Variants in DECR1 observed in about 807,000 individuals in gnomAD.
DECR1 encodes 2,4-dienoyl-CoA reductase [(3E)-enoyl-CoA-producing], mitochondrial.
In DECR1, 44 loss-of-function variants were observed where a neutral mutation model predicts 38.8. That is an observed-to-expected ratio of 1.13 (90% CI 0.89 to 1.46). DECR1 has a LOEUF of 1.46. Ranked by LOEUF, DECR1 falls within the 40% of genes most tolerant of loss-of-function variation. The pLI is 0.00. For missense variants in DECR1, 428 were observed against 405.5 expected (o/e 1.06, Z -0.48); for synonymous variants, 148 against 135.2 (o/e 1.09, Z -0.66).
At chr8:90,048,696 A>G (rs867373624) in intron 8 of DECR1, among the ~76,000 whole-genome samples, 8 of 152,248 alleles carry the variant, frequency 5.3e-5, no homozygotes, top group Admixed American at 6.5e-5. Flanking sequence ...TGAGGCCAGC[A>G]TCATCCTGAT....
chr8:90,026,714 C>G (rs765125249), intron 5 of DECR1, among the ~76,000 whole-genome samples: 12 of 152,030 alleles, frequency 7.9e-5, no homozygotes, highest in Non-Finnish European at 1.8e-4. Context: ...TTTTGTGTTT[C>G]TATCTCCTTC....
chr8:90,032,981 G>A (rs926420635), intron 5 of DECR1, among the ~76,000 whole-genome samples: 7 of 152,146 alleles, frequency 4.6e-5, no homozygotes, highest in Non-Finnish European at 8.8e-5. Flanking sequence ...ACATTTGCTG[G>A]ATACGCCCTA....
chr8:90,006,027 C>T (rs1812729672), intron 1 of DECR1: 1 of 602,670 alleles, frequency 1.7e-6, no homozygotes, highest in Non-Finnish European at 3.0e-6. Context: ...ACTCACTTGC[C>T]ACTGCCAGGA....
intron 8 of DECR1, among the ~76,000 whole-genome samples, 192 bp from the exon 9 acceptor site, chr8:90,051,484 TG>T (rs1265938325): frequency 1.3e-5 from 2 of 152,190 alleles, no homozygotes; most frequent in Non-Finnish European, 1.5e-5. Context: ...TTTGAAATTG[TG>T]GAGATGTTAG....
At chr8:90,039,401 C>T (rs1813694159) in intron 6 of DECR1, among the ~76,000 whole-genome samples, 1 of 149,966 alleles carries the variant, frequency 6.7e-6, no homozygotes, top group South Asian at 2.1e-4. Context: ...AGAATGTGTT[C>T]CAAGTGAAGG....
At chr8:90,018,778 TTG>T in intron 2 of DECR1, 129 bp from the exon 3 acceptor site, 1 of 727,770 alleles carries the variant, frequency 1.4e-6, no homozygotes, top group East Asian at 2.7e-5. Flanking sequence ...AAAATTCACA[TTG>T]ATTTTTGTAT....
chr8:90,006,872 C>A (rs1812755208), intron 1 of DECR1, among the ~76,000 whole-genome samples: 1 of 152,168 alleles, frequency 6.6e-6, no homozygotes, highest in African/African-American at 2.4e-5. Context: ...AAGATGAAGC[C>A]CAGATTTCTG....
At chr8:90,007,097 T>C (rs1812760988) in intron 1 of DECR1, among the ~76,000 whole-genome samples, 1 of 152,066 alleles carries the variant, frequency 6.6e-6, no homozygotes, top group Non-Finnish European at 1.5e-5. Context: ...CTCTCACAGC[T>C]GGGTTTCAAT....
intron 5 of DECR1, among the ~76,000 whole-genome samples, chr8:90,031,969 C>T (rs1029114946): frequency 3.3e-5 from 5 of 152,114 alleles, no homozygotes; most frequent in African/African-American, 9.7e-5. Flanking sequence ...ATACTAGTCC[C>T]CCATTGTGGG....
chr8:90,048,607 A>T (rs959093828), intron 8 of DECR1, among the ~76,000 whole-genome samples: 1 of 152,238 alleles, frequency 6.6e-6, no homozygotes, highest in African/African-American at 2.4e-5. Context: ...CACCAGAGGT[A>T]CAAAGAGGAG....
chr8:90,010,656 C>T (rs746186698), intron 1 of DECR1, among the ~76,000 whole-genome samples: 14 of 152,190 alleles, frequency 9.2e-5, no homozygotes, highest in Non-Finnish European at 1.3e-4. Context: ...GTCTGCAAAA[C>T]TCTTATGTGA....
chr8:90,041,080 A>C (rs1813749776), intron 6 of DECR1, among the ~76,000 whole-genome samples: 1 of 152,266 alleles, frequency 6.6e-6, no homozygotes, highest in Non-Finnish European at 1.5e-5. Context: ...ACTAATTTAC[A>C]GTCCCACCAA....
At chr8:90,027,308 T>C (rs567784440) in intron 5 of DECR1, among the ~76,000 whole-genome samples, 2 of 152,282 alleles carry the variant, frequency 1.3e-5, no homozygotes, top group Admixed American at 1.3e-4. Context: ...ATCTGTCTAA[T>C]GTTGACAGTG....
chr8:90,012,388 G>T (rs111952562), intron 1 of DECR1, among the ~76,000 whole-genome samples: 2,742 of 152,074 alleles, frequency 0.018, 76 homozygotes, highest in African/African-American at 0.062. Flanking sequence ...CCTGATCTCA[G>T]GTGGTCCACC....
intron 1 of DECR1, among the ~76,000 whole-genome samples, chr8:90,014,236 A>G (rs370745182): frequency 1.4e-3 from 214 of 152,328 alleles, no homozygotes; most frequent in African/African-American, 4.7e-3. Flanking sequence ...TCTACTTTTT[A>G]TAATTCAAAA....
chr8:90,013,328 G>T (rs1219753195), intron 1 of DECR1, among the ~76,000 whole-genome samples: 1 of 147,730 alleles, frequency 6.8e-6, no homozygotes, highest in African/African-American at 2.5e-5. Context: ...ATTAAACAAT[G>T]ATTTTTGTAG....
At chr8:90,016,076 T>C (rs1382856336) in intron 1 of DECR1, among the ~76,000 whole-genome samples, 2 of 152,224 alleles carry the variant, frequency 1.3e-5, no homozygotes, top group East Asian at 3.8e-4. Context: ...TCGCATGTAA[T>C]GTGAGTACAA....
At position 90,010,439 on chromosome 8, in the gene DECR1, G is replaced by T. The variant is rs1812853058; in HGVS notation, c.70-6685G>T. On this transcript the variant is annotated intron_variant, in intron 1 of 9. Transcript: ENST00000220764. ...CATACACTGTGCTGAAGTGGCAGTG[G>T]TGTGGCCATTGGAAAGAATGCACGC... Among the ~76,000 whole-genome samples the T allele has an allele frequency of 2.6e-5, 4 of 152,208 alleles. No homozygotes were observed. In the South Asian group the frequency reaches 8.3e-4, roughly 32 times the overall value.
At chr8:90,026,422 G>A (rs1404307380) in intron 5 of DECR1, among the ~76,000 whole-genome samples, 2 of 151,992 alleles carry the variant, frequency 1.3e-5, no homozygotes, top group African/African-American at 2.4e-5. Context: ...GTATATTCAG[G>A]GATTCAACTT....
Sources: gnomAD v4.1 joint callset for allele counts (sites outside exome capture counted in the v4.1 genomes callset) on GRCh38, gnomAD v4.1.1 for gene constraint, MANE v1.5 for transcripts, NCBI Gene and HGNC (gene_info 2026-07-23, HGNC 2026-07-21) for gene names.